The following UBE2E2 variants were observed in gnomAD, a reference collection of about 807,000 sequenced individuals.
UBE2E2 encodes the protein ubiquitin-conjugating enzyme E2 E2.
Under a neutral mutation model 24.7 loss-of-function variants are expected in UBE2E2, and 6 were observed. The ratio of observed to expected loss-of-function variants is 0.24; its 90% confidence interval spans 0.13 to 0.48. UBE2E2 has a LOEUF of 0.48. UBE2E2 is among the 20% of genes least tolerant of loss of function. The pLI is 0.99. For synonymous variants in UBE2E2, 104 were observed against 83.6 expected (o/e 1.24, Z -1.33); for missense variants, 169 against 245.0 (o/e 0.69, Z 2.07).
chr3:23,398,430 C>A (rs1474152353), intron 3 of UBE2E2, among the ~76,000 whole-genome samples: 2 of 151,954 alleles, frequency 1.3e-5, no homozygotes, highest in Non-Finnish European at 2.9e-5. Flanking sequence ...TTTTGCTCTG[C>A]CCAGCTTTGG....
intron 3 of UBE2E2, among the ~76,000 whole-genome samples, chr3:23,240,558 C>T (rs546752493): frequency 1.3e-5 from 2 of 152,294 alleles, no homozygotes; most frequent in East Asian, 3.9e-4. Flanking sequence ...GTCTGTGGCA[C>T]ACAGCCACAC....
chr3:23,486,275 C>G (rs1011917400), intron 3 of UBE2E2, among the ~76,000 whole-genome samples: 3 of 152,186 alleles, frequency 2.0e-5, no homozygotes, highest in Non-Finnish European at 4.4e-5. Flanking sequence ...AGATACACCA[C>G]AAGAGGCTTC....
intron 3 of UBE2E2, among the ~76,000 whole-genome samples, chr3:23,313,136 G>A (rs1039749380): frequency 3.3e-5 from 5 of 152,008 alleles, no homozygotes; most frequent in African/African-American, 1.2e-4. Flanking sequence ...GATTAAGTCT[G>A]ATATTTCTTT....
At chr3:23,301,156 T>A (rs781549147) in intron 3 of UBE2E2, among the ~76,000 whole-genome samples, 13 of 152,364 alleles carry the variant, frequency 8.5e-5, no homozygotes, top group Non-Finnish European at 1.9e-4. Context: ...AGGACTTGTC[T>A]GCATTAGTTA....
chr3:23,356,800 G>C (rs763763108), intron 3 of UBE2E2, among the ~76,000 whole-genome samples: 1 of 152,186 alleles, frequency 6.6e-6, no homozygotes, highest in African/African-American at 2.4e-5. Flanking sequence ...CAAAATTTCA[G>C]TTATTTAACA....
intron 4 of UBE2E2, among the ~76,000 whole-genome samples, chr3:23,510,354 C>T (rs2125464529): frequency 6.6e-6 from 1 of 152,282 alleles, no homozygotes; most frequent in Middle Eastern, 3.4e-3. Flanking sequence ...CGCCTGTAAT[C>T]CCAGCACTTT....
downstream of UBE2E2, chr3:23,591,827 C>G (rs1250171800): frequency 2.0e-5 from 3 of 152,264 alleles, no homozygotes; most frequent in East Asian, 3.9e-4. Flanking sequence ...GTTTAATTGC[C>G]TACAGTTTCT....
chr3:23,352,416 A>T (rs565598877), intron 3 of UBE2E2, among the ~76,000 whole-genome samples: 1 of 152,336 alleles, frequency 6.6e-6, no homozygotes, highest in East Asian at 1.9e-4. Flanking sequence ...AGACACAAAA[A>T]ACCCTTCAAA....
intron 3 of UBE2E2, among the ~76,000 whole-genome samples, chr3:23,422,426 A>C (rs898510946): frequency 6.6e-6 from 1 of 152,192 alleles, no homozygotes; most frequent in Non-Finnish European, 1.5e-5. Context: ...TCACCAGTCC[A>C]GTGTTGCCAG....
chr3:23,325,940 A>G (rs1041687910), intron 3 of UBE2E2, among the ~76,000 whole-genome samples: 2 of 152,210 alleles, frequency 1.3e-5, no homozygotes, highest in South Asian at 2.1e-4. Context: ...AAGAACAAAT[A>G]TTTTTAACCT....
rs187258104 is a variant in UBE2E2 at position 23,243,851 on chromosome 3, A to C, written c.227+26539A>C. Among the ~76,000 whole-genome samples the C allele has an allele frequency of 2.4e-3, 360 of 152,072 alleles. 3 individuals carry two copies. The highest frequency in any genetic ancestry group is 8.3e-3 in the African/African-American group (344 of 41,494). Reference sequence around the variant, plus strand: ...GGAAGCAGCAGAGTTTGTTCCACCTAATGTCAATTCAGAGAACATTTTACA... The same window carrying C: ...GGAAGCAGCAGAGTTTGTTCCACCTCATGTCAATTCAGAGAACATTTTACA... On this transcript the variant is annotated intron_variant, in intron 3 of 5. Coordinates refer to ENST00000396703, the MANE Select transcript of UBE2E2 (RefSeq NM_152653.4).
intron 3 of UBE2E2, among the ~76,000 whole-genome samples, chr3:23,225,179 A>C (rs1298941925): frequency 3.3e-5 from 5 of 151,412 alleles, no homozygotes; most frequent in Admixed American, 3.3e-4. Context: ...TTCAAAATAC[A>C]TTTTGGATAT....
At chr3:23,349,161 T>A (rs1288745417) in intron 3 of UBE2E2, among the ~76,000 whole-genome samples, 1 of 152,104 alleles carries the variant, frequency 6.6e-6, no homozygotes, top group African/African-American at 2.4e-5. Flanking sequence ...ACCAAGTGGA[T>A]GAAGTCAAAG....
intron 5 of UBE2E2, among the ~76,000 whole-genome samples, chr3:23,585,617 A>C (rs937963411): frequency 2.0e-5 from 3 of 152,164 alleles, no homozygotes; most frequent in Admixed American, 6.6e-5. Flanking sequence ...AAGTGTAAAT[A>C]ATTTTTGAAC....
Position 23,589,593 on chromosome 3 carries a change from C to G in UBE2E2, c.509-141C>G. On this transcript the variant is annotated intron_variant, in intron 5 of 5. Transcript: ENST00000396703. The surrounding 1 kb of genome is among the most constrained non-coding windows in gnomAD (Gnocchi z 4.1). ...AATGTAGTCTGTCAGCAGCAGGTGA[C>G]TGGCTCAGCCGCAGCAATGGTGGTC... 1 of 735,472 alleles carries G rather than the reference C, an allele frequency of 1.4e-6. No homozygotes were observed. The highest frequency in any genetic ancestry group is 2.3e-6 in the Non-Finnish European group (1 of 440,988). 45.6% of individuals were successfully genotyped at this position (735,472 alleles called of 1,614,324 possible).
chr3:23,466,593 A>G (rs1409602006), intron 3 of UBE2E2, among the ~76,000 whole-genome samples: 9 of 152,044 alleles, frequency 5.9e-5, no homozygotes, highest in Admixed American at 5.9e-4. Flanking sequence ...TTTGAGACAG[A>G]GTCTCACTCT....
chr3:23,361,018 G>T (rs181187650), intron 3 of UBE2E2, among the ~76,000 whole-genome samples: 246 of 151,650 alleles, frequency 1.6e-3, no homozygotes, highest in African/African-American at 5.8e-3. Context: ...GTGGGCAAAG[G>T]ACATGAATAG....
intron 3 of UBE2E2, among the ~76,000 whole-genome samples, chr3:23,466,356 T>A (rs1394547281): frequency 6.6e-6 from 1 of 152,242 alleles, no homozygotes; most frequent in Non-Finnish European, 1.5e-5. Flanking sequence ...CAGCACTAGT[T>A]GTCTACAGTG....
At chr3:23,488,582 A>G (rs1699429671) in intron 3 of UBE2E2, among the ~76,000 whole-genome samples, 1 of 152,242 alleles carries the variant, frequency 6.6e-6, no homozygotes, top group African/African-American at 2.4e-5. Context: ...TAATTATGCA[A>G]TTAGAATGAT....
Sources: gnomAD v4.1 joint callset for allele counts (sites outside exome capture counted in the v4.1 genomes callset) on GRCh38, gnomAD v4.1.1 for gene constraint, Gnocchi (gnomAD v3.1) non-coding constraint, MANE v1.5 for transcripts, NCBI Gene and HGNC (gene_info 2026-07-23, HGNC 2026-07-21) for gene names.